Variants in BRIP1 observed in about 807,000 individuals in gnomAD.
BRIP1 encodes the protein BRCA1 interacting DNA helicase 1, also known as Fanconi anemia group J protein.
Under a neutral mutation model 119.7 loss-of-function variants are expected in BRIP1, and 88 were observed. That is an observed-to-expected ratio of 0.74 (90% CI 0.62 to 0.88). The LOEUF (loss-of-function observed/expected upper bound fraction) is 0.88. BRIP1 is among the 40% of genes least tolerant of loss of function. BRIP1 has a pLI of 0.00. For synonymous variants in BRIP1, 443 were observed against 496.5 expected, an observed-to-expected ratio of 0.89 and a Z score of 1.43; for missense variants, 1,259 against 1,455.4, an observed-to-expected ratio of 0.87 and a Z score of 2.20.
At position 61,848,252 on chromosome 17, in the gene BRIP1, A is replaced by G. The variant is rs1179811310; in HGVS notation, c.507+877T>C. Among the ~76,000 whole-genome samples the G allele has an allele frequency of 6.6e-6, 1 of 152,184 alleles. No individual in the cohort carries two copies. Among genetic ancestry groups the G allele is most frequent in the Non-Finnish European group, 1.5e-5 (1 of 68,038 alleles). ...AAGCATAATTGCATGATCTTAGCTC[A>G]CCACAGCCTTCAACTCCTAGGCTTG... On this transcript the variant is annotated intron_variant, in intron 5 of 19. Transcript: ENST00000259008. This position sits in a 1 kb window ranked among gnomAD's most constrained non-coding sequence, Gnocchi z 4.3.
rs1245478620 is a variant in BRIP1 at position 61,736,614 on chromosome 17, G to A, written c.2379+6399C>T. 6.6e-6 allele frequency among the ~76,000 whole-genome samples: 1 copy of A among 152,018 alleles called. No individual in the cohort carries two copies. Among genetic ancestry groups the A allele is most frequent in the Non-Finnish European group, 1.5e-5 (1 of 67,982 alleles). The stretch of plus-strand genomic sequence containing the variant: ...CTTAAAGTCTCCAGGAATGGAGAGT[G>A]GTTGCTGTTGTTTTTAAAAACAAAT... On this transcript the variant is annotated intron_variant, in intron 16 of 19. Transcript: ENST00000259008. This position sits in a 1 kb window ranked among gnomAD's most constrained non-coding sequence, Gnocchi z 4.4.
rs2078379751 is a variant in BRIP1 at position 61,824,767 on chromosome 17, C to T, written c.628-16010G>A. Among the ~76,000 whole-genome samples, 2 of 152,180 alleles carry T rather than the reference C, an allele frequency of 1.3e-5. No homozygotes were observed. Among genetic ancestry groups the T allele is most frequent in the South Asian group, 4.1e-4 (2 of 4,822 alleles). On this transcript the variant is annotated intron_variant, in intron 6 of 19. Coordinates refer to ENST00000259008, the MANE Select transcript of BRIP1 (RefSeq NM_032043.3). This position sits in a 1 kb window ranked among gnomAD's most constrained non-coding sequence, Gnocchi z 4.3. The stretch of plus-strand genomic sequence containing the variant: ...AAATTGGACTCATGAAAATTAAAAA[C>T]GTTTATGTATCATAGACCACCATCA...
rs1189773245 is a variant in BRIP1 at position 61,679,253 on chromosome 17, C to T, written c.*4043G>A. 6.6e-6 allele frequency among the ~76,000 whole-genome samples: 1 copy of T among 152,160 alleles called. No individual in the cohort carries two copies. Among genetic ancestry groups the T allele is most frequent in the Non-Finnish European group, 1.5e-5 (1 of 68,002 alleles). On this transcript the variant is annotated 3_prime_UTR_variant, in exon 20 of 20. Transcript: ENST00000259008. The surrounding 1 kb of genome is among the most constrained non-coding windows in gnomAD (Gnocchi z 4.4). The stretch of plus-strand genomic sequence containing the variant: ...GTTTTGAATAGAAAGATCTTAACAA[C>T]AAAGCCTTATAGAAACTTAGAAACA...
In BRIP1 at chr17:61,822,170, AT is replaced by A. The variant is rs548962147; in HGVS notation, c.628-13414del. Among the ~76,000 whole-genome samples the A allele has an allele frequency of 4.3e-3, 650 of 152,282 alleles. 2 individuals are homozygous for A. Among genetic ancestry groups the A allele is most frequent in the African/African-American group, 0.015 (621 of 41,562 alleles). The stretch of plus-strand genomic sequence containing the variant: ...ACATAAAATTAGTAAATGACAAAAA[AT>A]AAAAGACAATAAAAGAAGAAGAAAA... On this transcript the variant is annotated intron_variant, in intron 6 of 19. Coordinates refer to ENST00000259008, the MANE Select transcript of BRIP1 (RefSeq NM_032043.3). The surrounding 1 kb of genome is among the most constrained non-coding windows in gnomAD (Gnocchi z 4.4).
rs2145866791 is a variant in BRIP1 at position 61,861,550 on chromosome 17, T to C, written c.-11A>G. On this transcript the variant is annotated 5_prime_UTR_variant, in exon 2 of 20. Coordinates refer to ENST00000259008, the MANE Select transcript of BRIP1 (RefSeq NM_032043.3). The surrounding 1 kb of genome is among the most constrained non-coding windows in gnomAD (Gnocchi z 4.5). Reference sequence around the variant, plus strand: ...CCACATTGAAGACATAGTGCTTTCCTGTTTATTTCAGATTCCTAACTACAA... The same window carrying C: ...CCACATTGAAGACATAGTGCTTTCCCGTTTATTTCAGATTCCTAACTACAA... 3 of 1,587,868 alleles carry C rather than the reference T, an allele frequency of 1.9e-6. No individual in the cohort carries two copies. The highest frequency in any genetic ancestry group is 1.3e-5 in the African/African-American group (1 of 74,466).
intron 14 of BRIP1, among the ~76,000 whole-genome samples, chr17:61,772,531 T>A (rs1235296097): frequency 6.6e-6 from 1 of 151,984 alleles, no homozygotes; most frequent in Non-Finnish European, 1.5e-5. Context: ...ACACAAAAAA[T>A]GCTAAGGCCG....
In BRIP1 at chr17:61,687,965, C is replaced by A. The variant is rs1041320738; in HGVS notation, c.2576-1800G>T. On this transcript the variant is annotated intron_variant, in intron 18 of 19. Transcript: ENST00000259008. The surrounding 1 kb of genome is among the most constrained non-coding windows in gnomAD (Gnocchi z 5.1). ...CTACATGCCCAGGGGCCACTAAGAA[C>A]AAAAGCGCTGTGCAGCAAGTTTCTG... Among the ~76,000 whole-genome samples the A allele has an allele frequency of 2.6e-5, 4 of 152,180 alleles. No individual in the cohort carries two copies. Among genetic ancestry groups the A allele is most frequent in the African/African-American group, 9.7e-5 (4 of 41,434 alleles).
At position 61,767,215 on chromosome 17, in the gene BRIP1, C is replaced by T. The variant is rs1317958161; in HGVS notation, c.2097+9186G>A. ...CCAATTATCTAGTACAGGAAGAAAA[C>T]TGGCCATTAAATATAAGGGGGAAGA... On this transcript the variant is annotated intron_variant, in intron 14 of 19. Coordinates refer to ENST00000259008, the MANE Select transcript of BRIP1 (RefSeq NM_032043.3). This position sits in a 1 kb window ranked among gnomAD's most constrained non-coding sequence, Gnocchi z 5.7. Among the ~76,000 whole-genome samples, 4 of 152,046 alleles carry T rather than the reference C, an allele frequency of 2.6e-5. No individual in the cohort carries two copies. Among genetic ancestry groups the T allele is most frequent in the Non-Finnish European group, 5.9e-5 (4 of 67,998 alleles).
chr17:61,772,826 A>G (rs1180474184), intron 14 of BRIP1, among the ~76,000 whole-genome samples: 1 of 151,164 alleles, frequency 6.6e-6, no homozygotes, highest in East Asian at 1.9e-4. Flanking sequence ...CTCAGAAAAA[A>G]AAAAAAAAAA....
rs779237423 is a variant in BRIP1, at chr17:61,799,157, T to C, written c.1283A>G (p.Asn428Ser). ...ARDELDSMVN[N>S]NIRKKDHEPL... The stretch of plus-strand genomic sequence containing the variant: ...TTCATGATCTTTCTTCCTTATATTA[T>C]TGTTGACCATACTATCTAGTTCATC... Residue 428 changes from asparagine to serine, a missense_variant, in exon 9 of 20, where the codon AAT (asparagine) becomes AGT (serine). By Grantham distance (46) the Asn-to-Ser change is conservative (BLOSUM62 1). Coordinates refer to ENST00000259008, the MANE Select transcript of BRIP1 (RefSeq NM_032043.3). The surrounding 1 kb of genome is among the most constrained non-coding windows in gnomAD (Gnocchi z 5.1). The C allele has an allele frequency of 1.2e-6, 2 of 1,613,624 alleles. No homozygotes were observed. The highest frequency in any genetic ancestry group is 8.5e-7 in the Non-Finnish European group (1 of 1,179,726).
intron 6 of BRIP1, among the ~76,000 whole-genome samples, chr17:61,829,872 T>C (rs1414565012): frequency 6.6e-6 from 1 of 152,038 alleles, no homozygotes; most frequent in Non-Finnish European, 1.5e-5. Flanking sequence ...TTCATTGGTG[T>C]TTTATTTAGG....
At chr17:61,791,742 T>A (rs1408602148) in intron 10 of BRIP1, among the ~76,000 whole-genome samples, 1 of 152,026 alleles carries the variant, frequency 6.6e-6, no homozygotes, top group Non-Finnish European at 1.5e-5. Context: ...GAGCCTCCAT[T>A]AGCCCACAAT....
intron 10 of BRIP1, among the ~76,000 whole-genome samples, chr17:61,786,574 T>A (rs1332649680): frequency 6.8e-6 from 1 of 147,590 alleles, no homozygotes; most frequent in Non-Finnish European, 1.5e-5. Flanking sequence ...CCAATAAAAA[T>A]AACTATAAAA....
In BRIP1 at chr17:61,793,151, G is replaced by A. The variant is rs189712909; in HGVS notation, c.1473+446C>T. On this transcript the variant is annotated intron_variant, in intron 10 of 19. Coordinates refer to ENST00000259008, the MANE Select transcript of BRIP1 (RefSeq NM_032043.3). This position sits in a 1 kb window ranked among gnomAD's most constrained non-coding sequence, Gnocchi z 5.2. ...TTTAGAAAAATGTACAAAAGGATAC[G>A]CTCATAAAATTTTGCATATAGCTTC... Among the ~76,000 whole-genome samples the A allele has an allele frequency of 7.9e-5, 12 of 152,084 alleles. No individual in the cohort carries two copies. The East Asian group carries it at 1.4e-3, about 17-fold the overall frequency.
In BRIP1 at chr17:61,841,591, T is replaced by C. The variant is rs566458547; in HGVS notation, c.627+5510A>G. Among the ~76,000 whole-genome samples, 1 of 152,160 alleles carries C rather than the reference T, an allele frequency of 6.6e-6. No individual in the cohort carries two copies. Among genetic ancestry groups the C allele is most frequent in the African/African-American group, 2.4e-5 (1 of 41,520 alleles). ...ATGTGGAGAAGAAACTCATATACTA[T>C]TAGTGGAAATGTAAATTAGTACAGA... On this transcript the variant is annotated intron_variant, in intron 6 of 19. Coordinates refer to ENST00000259008, the MANE Select transcript of BRIP1 (RefSeq NM_032043.3). This position sits in a 1 kb window ranked among gnomAD's most constrained non-coding sequence, Gnocchi z 4.1.
At position 61,835,601 on chromosome 17, in the gene BRIP1, G is replaced by T. The variant is rs150700838; in HGVS notation, c.627+11500C>A. 9.7e-3 allele frequency among the ~76,000 whole-genome samples: 1,472 copies of T among 152,096 alleles called. 23 individuals are homozygous for T. Among genetic ancestry groups the T allele is most frequent in the African/African-American group, 0.034 (1,391 of 41,508 alleles). Reference sequence around the variant, plus strand: ...TTGAAAATTATTTACTTCAGATAGTGGGAATTGGTGAATAATAGAATTAGG... The same window carrying T: ...TTGAAAATTATTTACTTCAGATAGTTGGAATTGGTGAATAATAGAATTAGG... On this transcript the variant is annotated intron_variant, in intron 6 of 19. Coordinates refer to ENST00000259008, the MANE Select transcript of BRIP1 (RefSeq NM_032043.3).
chr17:61,692,150 T>C (rs2061456991), intron 18 of BRIP1, among the ~76,000 whole-genome samples: 1 of 152,206 alleles, frequency 6.6e-6, no homozygotes, highest in Non-Finnish European at 1.5e-5. Context: ...GAGGTCCTCA[T>C]TAGAAGCAGA....
intron 4 of BRIP1, among the ~76,000 whole-genome samples, chr17:61,854,674 T>A (rs2078869562): frequency 8.3e-6 from 1 of 119,900 alleles, no homozygotes; most frequent in African/African-American, 3.7e-5. Context: ...GCCACTGCAC[T>A]CCAGCCTGGG....
At chr17:61,791,577 G>A (rs1205657597) in intron 10 of BRIP1, among the ~76,000 whole-genome samples, 1 of 148,662 alleles carries the variant, frequency 6.7e-6, no homozygotes, top group Non-Finnish European at 1.5e-5. Context: ...GCACATGAGA[G>A]TACCTTTGTT....
Sources: allele counts gnomAD v4.1 joint callset (sites outside exome capture counted in the v4.1 genomes callset), GRCh38; gene constraint gnomAD v4.1.1; non-coding constraint Gnocchi (gnomAD v3.1); transcripts MANE v1.5; gene names NCBI Gene and HGNC (gene_info 2026-07-23, HGNC 2026-07-21).